TMPRSS9: variants seen among roughly 807,000 people sequenced by gnomAD.
TMPRSS9 encodes the protein transmembrane protease serine 9.
Under a neutral mutation model 111.4 loss-of-function variants are expected in TMPRSS9, and 113 were observed. The observed-to-expected ratio is 1.01, with a 90% CI of 0.87 to 1.19. TMPRSS9 has a LOEUF of 1.19. TMPRSS9 is among the 50% of genes most tolerant of loss of function. The pLI, the probability that TMPRSS9 is intolerant of heterozygous loss-of-function variation, is 0.00. For missense variants in TMPRSS9, 1,803 were observed against 1,513.1 expected, an observed-to-expected ratio of 1.19 and a Z score of -3.18; for synonymous variants, 805 against 659.1, an observed-to-expected ratio of 1.22 and a Z score of -3.39.
At chr19:2,418,276 CCTT>C (rs1971306255) in intron 13 of TMPRSS9, 138 bp downstream of exon 14, 2 of 957,796 alleles carry the variant, frequency 2.1e-6, no homozygotes, top group Non-Finnish European at 3.0e-6. Context: ...GTCCTTCCCT[CCTT>C]TTCCTTTCCT....
intron 5 of TMPRSS9, among the ~76,000 whole-genome samples, chr19:2,402,869 G>A (rs536121434): frequency 3.6e-4 from 55 of 152,274 alleles, no homozygotes; most frequent in African/African-American, 1.3e-3. Context: ...GTTAGAGGCT[G>A]CGGTGAGCTG....
intron 10 of TMPRSS9, 119 bp from the exon 12 acceptor site, chr19:2,415,551 G>A (rs1010714905): frequency 6.2e-6 from 6 of 961,002 alleles, no homozygotes; most frequent in East Asian, 6.0e-5. Flanking sequence ...TGTGTGGAAC[G>A]GGAGGGATTG....
chr19:2,410,684 G>A (rs575956050), intron 9 of TMPRSS9, among the ~76,000 whole-genome samples: 1 of 152,156 alleles, frequency 6.6e-6, no homozygotes, highest in East Asian at 1.9e-4. Context: ...ATGGCTCCCT[G>A]CTCCCTTCCA....
intron 1 of TMPRSS9, among the ~76,000 whole-genome samples, chr19:2,365,618 AAAC>A (rs947416533): frequency 9.1e-5 from 12 of 132,224 alleles, no homozygotes; most frequent in South Asian, 4.3e-4. Context: ...ACAAACAAAC[AAAC>A]AAAAAAAACA....
At chr19:2,398,985 C>T (rs1236233814) in intron 3 of TMPRSS9, 33 bp from the exon 5 acceptor site, 7 of 1,598,232 alleles carry the variant, frequency 4.4e-6, no homozygotes, top group Non-Finnish European at 6.0e-6. Context: ...CGGAGCCCCT[C>T]CCTCTCCAAG....
chr19:2,421,839 T>G lies in TMPRSS9; in HGVS notation c.2155-15T>G. On this transcript the variant is annotated splice_polypyrimidine_tract_variant and intron_variant, in intron 13 of 17. Transcript: ENST00000648592. ...TCCCTGGAGGACCAACCAGTGCTCT[T>G]TCCTTCCTTTCTAGGGTGACTCTGG... The G allele has an allele frequency of 6.3e-7, 1 of 1,578,124 alleles. No homozygotes were observed. Among genetic ancestry groups the G allele is most frequent in the Non-Finnish European group, 8.6e-7 (1 of 1,161,464 alleles).
At chr19:2,377,436 T>TCCAGGCATGAG in intron 1 of TMPRSS9, among the ~76,000 whole-genome samples, 1 of 132,146 alleles carries the variant, frequency 7.6e-6, no homozygotes, top group African/African-American at 3.0e-5. Flanking sequence ...CACCTGGTCT[T>TCCAGGCATGAG]CCTTTCTTTC....
chr19:2,407,611 T>TTCTTTTCTTTC (rs1555679336), intron 7 of TMPRSS9, among the ~76,000 whole-genome samples: 14 of 129,466 alleles, frequency 1.1e-4, no homozygotes, highest in Admixed American at 3.1e-4. Flanking sequence ...TTCTTTTCTT[T>TTCTTTTCTTTC]TTTTTTTTTT....
chr19:2,374,266 TTTTTTTTTTTTTTTTTTTTA>T (rs1349166029), intron 1 of TMPRSS9, among the ~76,000 whole-genome samples: 1 of 117,056 alleles, frequency 8.5e-6, no homozygotes. Flanking sequence ...TTTTTTTTTT[TTTTTTTTTTTTTTTTTTTTA>T]AAGAGGTAGG....
At chr19:2,399,750 C>T (rs995851345) in intron 4 of TMPRSS9, among the ~76,000 whole-genome samples, 2 of 152,062 alleles carry the variant, frequency 1.3e-5, no homozygotes, top group African/African-American at 4.8e-5. Context: ...CAGGATCTCA[C>T]TCTGTTGCCC....
At chr19:2,408,771 T>G (rs1599302585) in intron 8 of TMPRSS9, 141 bp downstream of exon 9, 1 of 1,087,616 alleles carries the variant, frequency 9.2e-7, no homozygotes, top group East Asian at 2.6e-5. Context: ...GGTCAGGCGT[T>G]TGAGACCAGC....
chr19:2,374,263 T>TA (rs1970312941), intron 1 of TMPRSS9, among the ~76,000 whole-genome samples: 1 of 81,648 alleles, frequency 1.2e-5, no homozygotes, highest in South Asian at 3.8e-4. Flanking sequence ...TTTTTTTTTT[T>TA]TTTTTTTTTT....
At chr19:2,416,255 T>C in intron 11 of TMPRSS9, 1 of 478,366 alleles carries the variant, frequency 2.1e-6, no homozygotes, top group Non-Finnish European at 3.7e-6. Context: ...AAGAGACTCA[T>C]AAAGCTGTAG....
exon 16 of TMPRSS9, chr19:2,425,216 C>G: frequency 6.8e-7 from 1 of 1,481,196 alleles, no homozygotes; most frequent in Admixed American, 2.3e-5. Flanking sequence ...GCCGCGACCC[C>G]CGGACGGCAC....
intron 13 of TMPRSS9, among the ~76,000 whole-genome samples, 164 bp downstream of exon 14, chr19:2,418,302 TCCCTTTCCCTCCCTCCC>T: frequency 2.3e-5 from 1 of 43,656 alleles, no homozygotes. Context: ...TTTCCTTCCC[TCCCTTTCCCTCCCTCCC>T]TCCCTCCCTC....
At chr19:2,416,613 C>T (rs534559011) in exon 12 of TMPRSS9, 36 of 1,612,622 alleles carry the variant, frequency 2.2e-5, no homozygotes, top group Middle Eastern at 3.3e-4. Context: ...CGGTGAAGAT[C>T]GGGCTGCGGC....
chr19:2,415,733 C>G, exon 11 of TMPRSS9: 1 of 1,610,286 alleles, frequency 6.2e-7, no homozygotes, highest in Non-Finnish European at 8.5e-7. Context: ...GGAGCTGCCT[C>G]CGGGGAGGTG....
chr19:2,405,371 C>G lies in TMPRSS9; in HGVS notation c.671-3C>G. ...TCATGGCTGGTGACCTGCTGTCTTGCAGAGTGTGGCTTGCAGCCTGCCTGG... is the reference window on the plus strand; with the variant it reads ...TCATGGCTGGTGACCTGCTGTCTTGGAGAGTGTGGCTTGCAGCCTGCCTGG... On this transcript the variant is annotated splice_region_variant and splice_polypyrimidine_tract_variant and intron_variant, in intron 6 of 17. Transcript: ENST00000648592. The G allele has an allele frequency of 1.3e-6, 2 of 1,593,972 alleles. No individual in the cohort carries two copies. The highest frequency in any genetic ancestry group is 1.7e-6 in the Non-Finnish European group (2 of 1,173,576).
intron 1 of TMPRSS9, among the ~76,000 whole-genome samples, chr19:2,372,201 GA>G (rs1392662193): frequency 6.6e-6 from 1 of 152,030 alleles, no homozygotes; most frequent in Non-Finnish European, 1.5e-5. Context: ...TCAGATCTGA[GA>G]TCCCACGTCC....
Sources: gnomAD v4.1 joint callset for allele counts (sites outside exome capture counted in the v4.1 genomes callset) on GRCh38, gnomAD v4.1.1 for gene constraint, MANE v1.5 for transcripts, NCBI Gene and HGNC (gene_info 2026-07-23, HGNC 2026-07-21) for gene names.